IBTK: variants seen among roughly 807,000 people sequenced by gnomAD.
The protein encoded by IBTK is inhibitor of Bruton tyrosine kinase, also known as BTK-binding protein.
IBTK carries 83 observed loss-of-function variants against 154.9 expected under a neutral mutation model. The observed-to-expected ratio is 0.54, with a 90% confidence interval of 0.45 to 0.64. The LOEUF (loss-of-function observed/expected upper bound fraction) is 0.64, where lower values mean the gene tolerates loss of function less well. Ranked by LOEUF, IBTK falls within the 30% of genes least tolerant of loss-of-function variation. IBTK has a pLI of 0.00. For missense variants in IBTK, 1,332 were observed against 1,584.6 expected (o/e 0.84, Z 2.71); for synonymous variants, 515 against 536.1 (o/e 0.96, Z 0.54).
intron 3 of IBTK, 55 bp from the exon 4 acceptor site, chr6:82,231,897 C>T (rs1258081781): frequency 2.1e-6 from 2 of 949,276 alleles, no homozygotes; most frequent in East Asian, 2.7e-5. Context: ...CATATAAGAA[C>T]TAATTTAACT....
Position 82,172,309 on chromosome 6 carries a change from C to T in IBTK, c.3930+71G>A, listed in dbSNP as rs572411215. 35 of 1,480,946 alleles carry T rather than the reference C, an allele frequency of 2.4e-5. No individual in the cohort carries two copies. The African/African-American group carries it at 3.1e-4, about 13-fold the overall frequency. 91.7% of individuals were successfully genotyped at this position (1,480,946 alleles called of 1,614,324 possible). A position where few individuals can be genotyped will look rare whatever the true frequency, so the allele number is the denominator to read the frequency against. ...AGCACCTGTCCAAAACAAACAAACA[C>T]GATTTTCTTAAAACCTAAGTAGGAA... On this transcript the variant is annotated intron_variant, in intron 28 of 28. Transcript: ENST00000306270.
chr6:82,173,068 C>A (rs573805502), intron 27 of IBTK: 13 of 205,342 alleles, frequency 6.3e-5, no homozygotes, highest in African/African-American at 1.5e-4. Flanking sequence ...GTGGCATGAT[C>A]GCGGCTCAAT....
At position 82,199,007 on chromosome 6, in the gene IBTK, TAAAAAA is replaced by T. The variant is rs546516205; in HGVS notation, c.3025+1128_3025+1133del. Among the ~76,000 whole-genome samples, 4 of 147,954 alleles carry T rather than the reference TAAAAAA, an allele frequency of 2.7e-5. No homozygotes were observed. In the Admixed American group the frequency reaches 2.7e-4, roughly 10 times the overall value. On this transcript the variant is annotated intron_variant, in intron 21 of 28. Transcript: ENST00000306270. The stretch of plus-strand genomic sequence containing the variant: ...AGAATACTAGTTTTTTTGTTAATGT[TAAAAAA>T]AAAAGACTATAAAAACATTTGTCAA...
At chr6:82,200,371 T>C in intron 20 of IBTK, 118 bp from the exon 21 acceptor site, 1 of 792,776 alleles carries the variant, frequency 1.3e-6, no homozygotes, top group Non-Finnish European at 2.0e-6. Flanking sequence ...ACACTTTCAA[T>C]GTGTTAGACC....
chr6:82,204,197 A>G (rs1168771088), intron 17 of IBTK, among the ~76,000 whole-genome samples: 1 of 152,198 alleles, frequency 6.6e-6, no homozygotes, highest in African/African-American at 2.4e-5. Context: ...CACTACCCAG[A>G]AGGAACAGAT....
chr6:82,219,039 A>G (rs1040707897), intron 9 of IBTK, among the ~76,000 whole-genome samples: 1 of 152,184 alleles, frequency 6.6e-6, no homozygotes, highest in Non-Finnish European at 1.5e-5. Context: ...AAAATCAAAT[A>G]TAAGTTTTTA....
At chr6:82,220,511 A>G (rs1276331910) in intron 9 of IBTK, 79 bp downstream of exon 9, 2 of 1,379,898 alleles carry the variant, frequency 1.4e-6, no homozygotes, top group African/African-American at 1.5e-5. Context: ...CTAACATAGC[A>G]ATACATTTTC....
At chr6:82,221,237 T>A (rs866419581) in intron 8 of IBTK, among the ~76,000 whole-genome samples, 77 of 152,078 alleles carry the variant, frequency 5.1e-4, no homozygotes, top group African/African-American at 1.9e-3. Flanking sequence ...GGGAGAAGAA[T>A]CACTTGAACC....
At chr6:82,223,350 T>C (rs555840454) in intron 8 of IBTK, 90 bp downstream of exon 8, 8 of 1,039,790 alleles carry the variant, frequency 7.7e-6, no homozygotes, top group East Asian at 5.5e-5. Context: ...TTGACATTTA[T>C]AGAACATAGC....
intron 16 of IBTK, 32 bp downstream of exon 16, chr6:82,210,782 A>G (rs1769606029): frequency 2.2e-6 from 2 of 893,434 alleles, no homozygotes; most frequent in Non-Finnish European, 3.3e-6. Flanking sequence ...TTATATGTGA[A>G]GTATCTACAA....
chr6:82,225,239 G>GACT (rs1770250382), intron 6 of IBTK, among the ~76,000 whole-genome samples: 1 of 151,966 alleles, frequency 6.6e-6, no homozygotes, highest in African/African-American at 2.4e-5. Flanking sequence ...GAACCCGAGG[G>GACT]GCAGAGGTTG....
Position 82,214,634 on chromosome 6 carries a change from A to T in IBTK, c.1797T>A (p.Thr599=). The T allele has an allele frequency of 6.2e-7, 1 of 1,614,028 alleles. No individual in the cohort carries two copies. The highest frequency in any genetic ancestry group is 8.5e-7 in the Non-Finnish European group (1 of 1,179,930). The change falls in exon 12 of 29, where the codon ACT becomes ACA. Residue 599 remains threonine (T), a synonymous_variant. Transcript: ENST00000306270. ...FQKLFLSDGN[T]SEFTDIYQKD... ...TCTGGTAAATATCTGTAAATTCTGA[A>T]GTATTACCATCTGAAAGAAACAATT...
intron 25 of IBTK, among the ~76,000 whole-genome samples, chr6:82,185,937 A>T (rs554825724): frequency 6.6e-6 from 1 of 152,280 alleles, no homozygotes; most frequent in Admixed American, 6.5e-5. Context: ...GAGCAAGTAT[A>T]TCGTGCCATT....
intron 11 of IBTK, 137 bp from the exon 12 acceptor site, chr6:82,214,966 CAAG>C: frequency 3.6e-6 from 3 of 830,032 alleles, no homozygotes; most frequent in Admixed American, 3.1e-5. Context: ...TCCTAAAATA[CAAG>C]AATATTGCAC....
At chr6:82,184,496 C>G (rs975759719) in intron 25 of IBTK, among the ~76,000 whole-genome samples, 1 of 152,146 alleles carries the variant, frequency 6.6e-6, no homozygotes, top group African/African-American at 2.4e-5. Context: ...ATTATTTCTC[C>G]AAGTGAAACA....
rs764843005 is a variant in IBTK, at chr6:82,200,244, C to T, written c.2922G>A (p.Met974Ile). The change falls in exon 21 of 29, where the codon ATG (methionine) becomes ATA (isoleucine). Residue 974 changes from methionine to isoleucine, a missense_variant. Transcript: ENST00000306270. ...TAGCTTTTGTTTTTGCTTTCTTGAA[C>T]ATAGTTTCCCTAGGAAAAAGCAAAC... is the stretch of plus-strand genomic sequence containing the variant. ...INMEQNHSET[M>I]FKKAKTKAKK... 7.5e-6 allele frequency: 12 copies of T among 1,610,354 alleles called. No homozygotes were observed. The highest frequency in any genetic ancestry group is 2.7e-5 in the African/African-American group (2 of 74,800).
intron 1 of IBTK, among the ~76,000 whole-genome samples, chr6:82,244,491 T>C (rs1440684088): frequency 6.6e-6 from 1 of 152,192 alleles, no homozygotes; most frequent in East Asian, 1.9e-4. Context: ...TCTTAACCAC[T>C]TCTTCCTAGG....
At position 82,200,149 on chromosome 6, in the gene IBTK, G is replaced by A. The variant is rs1386915267; in HGVS notation, c.3017C>T (p.Ser1006Leu). The A allele has an allele frequency of 6.3e-7, 1 of 1,594,066 alleles. No individual in the cohort carries two copies. Among genetic ancestry groups the A allele is most frequent in the African/African-American group, 1.3e-5 (1 of 74,282 alleles). ...YNLSDIIQSP[S>L]STGLLKSGKT... ...GCTCACTTTCCACGAACCTGTAGAT[G>A]ATGGACTCTGAATAATATCTGAAAG... The change falls in exon 21 of 29, where the codon TCA becomes TTA. Residue 1006 changes from serine to leucine, a missense_variant. By Grantham distance (145) the Ser-to-Leu change is moderately radical. Coordinates refer to ENST00000306270, the MANE Select transcript of IBTK (RefSeq NM_015525.4).
At position 82,173,400 on chromosome 6, in the gene IBTK, T is replaced by A. The variant is rs1461062434; in HGVS notation, c.3764A>T (p.His1255Leu). ...GTCTAGAAGTGGTAAATCTGAAATA[T>A]GGTTGCCTTCTGGTCCTGGGGTACC... ...THGTPGPEGN[H>L]ISDLPLLDSP... Residue 1255 changes from histidine (H) to leucine (L), a missense_variant, in exon 27 of 29, where the codon CAT becomes CTT. Around this residue, in one of 3 missense-constraint regions of IBTK, gnomAD observed 1,134 missense variants for 1,274.7 expected, o/e 0.89. Coordinates refer to ENST00000306270, the MANE Select transcript of IBTK (RefSeq NM_015525.4). 3 of 1,613,642 alleles carry A rather than the reference T, an allele frequency of 1.9e-6. No homozygotes were observed. The highest frequency in any genetic ancestry group is 1.3e-5 in the African/African-American group (1 of 74,912).
Sources: gnomAD v4.1 joint callset for allele counts (sites outside exome capture counted in the v4.1 genomes callset) on GRCh38, gnomAD v4.1.1 for gene constraint, gnomAD v4.1.1 regional missense constraint, MANE v1.5 for transcripts, NCBI Gene and HGNC (gene_info 2026-07-23, HGNC 2026-07-21) for gene names.